PPA1: variants seen among roughly 807,000 people sequenced by gnomAD.
The protein encoded by PPA1 is inorganic pyrophosphatase 1, also known as inorganic pyrophosphatase.
Under a neutral mutation model 41.8 loss-of-function variants are expected in PPA1, and 23 were observed. The ratio of observed to expected loss-of-function variants is 0.55; its 90% CI spans 0.40 to 0.78. PPA1 has a LOEUF of 0.78. Ranked by LOEUF, PPA1 falls within the 30% of genes least tolerant of loss-of-function variation. The probability of loss-of-function intolerance (pLI) is 0.00; values close to 1 mark genes in which losing one functional copy is unlikely to be tolerated. For synonymous variants in PPA1, 101 were observed against 116.8 expected (o/e 0.86, Z 0.87); for missense variants, 320 against 361.6 (o/e 0.89, Z 0.93).
intron 9 of PPA1, chr10:70,205,587 G>A (rs1384871556): frequency 6.6e-6 from 1 of 151,772 alleles, no homozygotes; most frequent in Non-Finnish European, 1.5e-5. Flanking sequence ...TCTCAACTTT[G>A]TCGGGATTCA....
intron 8 of PPA1, 150 bp from the exon 9 acceptor site, chr10:70,206,483 T>C: frequency 3.2e-6 from 2 of 629,722 alleles, no homozygotes; most frequent in Non-Finnish European, 5.8e-6. Context: ...TCTAATTATG[T>C]ATTTTGGCAA....
intron 1 of PPA1, among the ~76,000 whole-genome samples, chr10:70,232,992 A>C (rs1840305334): frequency 6.6e-6 from 1 of 152,154 alleles, no homozygotes. Flanking sequence ...GACACCTGCA[A>C]AACTAGCTGG....
chr10:70,217,675 A>G, intron 4 of PPA1, 137 bp downstream of exon 4: 1 of 622,594 alleles, frequency 1.6e-6, no homozygotes, highest in Non-Finnish European at 2.5e-6. Flanking sequence ...ATTCTGAGTT[A>G]ATTATCCCTT....
chr10:70,222,059 G>A (rs1161506656), intron 2 of PPA1, among the ~76,000 whole-genome samples: 5 of 152,084 alleles, frequency 3.3e-5, no homozygotes, highest in Non-Finnish European at 7.4e-5. Flanking sequence ...GTGAGGCCGG[G>A]GGGTGGTGGC....
Position 70,231,378 on chromosome 10 carries a change from C to A in PPA1, c.65-979G>T, listed in dbSNP as rs1001611635. Among the ~76,000 whole-genome samples, 3 of 152,122 alleles carry A rather than the reference C, an allele frequency of 2.0e-5. No individual in the cohort carries two copies. The South Asian group carries it at 6.2e-4, about 32-fold the overall frequency. On this transcript the variant is annotated intron_variant, in intron 1 of 10. Transcript: ENST00000373232. ...GGTAAGGAGTTCAAGACCAGCCTGG[C>A]CAACATGGTGAAACCCCGTCTCTAC...
chr10:70,222,564 T>A (rs576984854), intron 2 of PPA1, among the ~76,000 whole-genome samples: 1 of 152,110 alleles, frequency 6.6e-6, no homozygotes, highest in African/African-American at 2.4e-5. Context: ...GCTGGTAGCA[T>A]TGGTGGTTCA....
At chr10:70,214,351 CTTAAA>C in intron 5 of PPA1, 144 bp downstream of exon 5, 2 of 659,042 alleles carry the variant, frequency 3.0e-6, no homozygotes, top group Non-Finnish European at 5.1e-6. Flanking sequence ...TATACAAATG[CTTAAA>C]ATGCAAGAAG....
chr10:70,204,834 G>GTAAT, intron 10 of PPA1, 39 bp downstream of exon 10: 1 of 1,496,704 alleles, frequency 6.7e-7, no homozygotes, highest in Non-Finnish European at 9.2e-7. Context: ...CCATAACTGT[G>GTAAT]TAATGTTTAA....
At chr10:70,223,275 C>T (rs373101519) in intron 2 of PPA1, among the ~76,000 whole-genome samples, 61 of 151,954 alleles carry the variant, frequency 4.0e-4, no homozygotes, top group African/African-American at 1.1e-3. Flanking sequence ...AGTACAGTGA[C>T]GCAATCATAG....
intron 2 of PPA1, among the ~76,000 whole-genome samples, chr10:70,227,650 C>CA (rs11382289): frequency 0.31 from 23,589 of 75,018 alleles, 4,077 homozygotes; most frequent in East Asian, 0.48. Context: ...AACCCTATCT[C>CA]AAAAAAAAAA....
At chr10:70,232,836 G>T (rs561643281) in intron 1 of PPA1, among the ~76,000 whole-genome samples, 2 of 151,786 alleles carry the variant, frequency 1.3e-5, no homozygotes, top group Admixed American at 1.3e-4. Flanking sequence ...GCGGAATTAA[G>T]GTCTTTAGGA....
In PPA1 at chr10:70,212,869, C is replaced by T. The variant is rs996698155; in HGVS notation, c.511+594G>A. ...TGAAGTGCTGATACATACTACAATA[C>T]GGATGAATCCTGAAGACACTTACTT... On this transcript the variant is annotated intron_variant, in intron 6 of 10. Transcript: ENST00000373232. 7.4e-5 allele frequency among the ~76,000 whole-genome samples: 11 copies of T among 149,156 alleles called. 1 individual carries two copies. The highest frequency in any genetic ancestry group is 1.5e-4 in the African/African-American group (6 of 40,696).
At chr10:70,209,113 G>C (rs1839983816) in intron 8 of PPA1, 92 bp downstream of exon 8, 2 of 880,208 alleles carry the variant, frequency 2.3e-6, no homozygotes, top group African/African-American at 3.4e-5. Flanking sequence ...TTTTCTAAGT[G>C]AAAGTAACAG....
At chr10:70,222,532 A>T (rs1035099461) in intron 2 of PPA1, among the ~76,000 whole-genome samples, 4 of 152,110 alleles carry the variant, frequency 2.6e-5, no homozygotes, top group African/African-American at 9.7e-5. Context: ...AAAGAGTTGG[A>T]TTTCCAAATC....
At chr10:70,203,719 T>C (rs1277702571) in intron 10 of PPA1, 2 of 152,378 alleles carry the variant, frequency 1.3e-5, no homozygotes, top group African/African-American at 4.8e-5. Flanking sequence ...TCAAACTTGT[T>C]TTTTTAAGTG....
intron 1 of PPA1, among the ~76,000 whole-genome samples, 156 bp downstream of exon 1, chr10:70,233,108 G>T (rs1318904600): frequency 6.6e-6 from 1 of 152,148 alleles, no homozygotes; most frequent in Non-Finnish European, 1.5e-5. Flanking sequence ...CGGCAAGTAT[G>T]CAATGTGAGG....
At chr10:70,209,018 T>C (rs1449728688) in intron 8 of PPA1, among the ~76,000 whole-genome samples, 187 bp downstream of exon 8, 4 of 152,142 alleles carry the variant, frequency 2.6e-5, no homozygotes, top group Non-Finnish European at 4.4e-5. Context: ...GGTCTTCAAC[T>C]CCTGGGCTCA....
At chr10:70,208,263 C>T (rs1403175856) in intron 8 of PPA1, among the ~76,000 whole-genome samples, 1 of 152,090 alleles carries the variant, frequency 6.6e-6, no homozygotes, top group African/African-American at 2.4e-5. Context: ...TGTTATTTAA[C>T]ATACATTAAG....
chr10:70,214,180 T>C (rs1029663581), intron 5 of PPA1, among the ~76,000 whole-genome samples: 2 of 152,212 alleles, frequency 1.3e-5, no homozygotes, highest in African/African-American at 4.8e-5. Flanking sequence ...AGATTTGCCA[T>C]GTTTTGAGAG....
Sources: gnomAD v4.1 joint callset for allele counts (sites outside exome capture counted in the v4.1 genomes callset) on GRCh38, gnomAD v4.1.1 for gene constraint, MANE v1.5 for transcripts, NCBI Gene and HGNC (gene_info 2026-07-23, HGNC 2026-07-21) for gene names.